Variants in TBC1D4 observed in about 807,000 individuals in gnomAD.
TBC1D4 encodes the protein TBC (Tre-2, BUB2, CDC16) domain-containing protein.
In TBC1D4, 121 loss-of-function variants were observed where a neutral mutation model predicts 142.5. The observed-to-expected ratio is 0.85, with a 90% CI of 0.73 to 0.99. The LOEUF (loss-of-function observed/expected upper bound fraction) is 0.99. Among genes scored for constraint, TBC1D4 ranks in the 50% least tolerant of loss-of-function variants. TBC1D4 has a pLI of 0.00. For missense variants in TBC1D4, 1,475 were observed against 1,606.6 expected (o/e 0.92, Z 1.40); for synonymous variants, 630 against 628.2 (o/e 1.00, Z -0.04).
At chr13:75,308,672 T>G (rs1436131043) in intron 14 of TBC1D4, among the ~76,000 whole-genome samples, 1 of 152,218 alleles carries the variant, frequency 6.6e-6, no homozygotes, top group East Asian at 1.9e-4. Context: ...TCAACCTCTT[T>G]TTCTGAGTTA....
rs976445198 is a variant in TBC1D4 at position 75,307,559 on chromosome 13, C to T, written c.2594-1088G>A. On this transcript the variant is annotated intron_variant, in intron 14 of 20. Transcript: ENST00000377636. ...AATCTGTATTCATGCATGCTCACAG[C>T]GCTCGGCCACCTTACCTCCTGCAAC... Among the ~76,000 whole-genome samples the T allele has an allele frequency of 5.3e-5, 8 of 152,234 alleles. No homozygotes were observed. The East Asian group carries it at 9.6e-4, about 18-fold the overall frequency.
At chr13:75,338,990 C>A (rs186311530) in intron 7 of TBC1D4, among the ~76,000 whole-genome samples, 145 of 152,350 alleles carry the variant, frequency 9.5e-4, no homozygotes, top group African/African-American at 3.3e-3. Context: ...TTCCCCACTT[C>A]TCTAGGGCTC....
At chr13:75,424,721 T>G (rs564136194) in intron 1 of TBC1D4, among the ~76,000 whole-genome samples, 21 of 152,278 alleles carry the variant, frequency 1.4e-4, no homozygotes, top group African/African-American at 5.1e-4. Context: ...ACACTTATGG[T>G]CAGTTAATTT....
intron 1 of TBC1D4, among the ~76,000 whole-genome samples, chr13:75,407,636 G>A (rs957866831): frequency 3.9e-5 from 6 of 152,162 alleles, no homozygotes; most frequent in African/African-American, 1.4e-4. Context: ...CCGGGTGACT[G>A]ACAGGCCAGA....
chr13:75,303,113 T>A (rs750339341), intron 15 of TBC1D4, among the ~76,000 whole-genome samples: 4 of 152,142 alleles, frequency 2.6e-5, no homozygotes, highest in Non-Finnish European at 5.9e-5. Flanking sequence ...AGGTCAGGTG[T>A]TCATTACCGG....
At chr13:75,303,809 T>C (rs982916837) in intron 15 of TBC1D4, among the ~76,000 whole-genome samples, 3 of 152,240 alleles carry the variant, frequency 2.0e-5, no homozygotes, top group African/African-American at 7.2e-5. Context: ...TGATGTATAC[T>C]AGACGCTTGT....
At position 75,292,202 on chromosome 13, in the gene TBC1D4, G is replaced by A. The variant is rs1384923439; in HGVS notation, c.3386C>T (p.Thr1129Ile). The A allele has an allele frequency of 6.2e-7, 1 of 1,613,372 alleles. No homozygotes were observed. The highest frequency in any genetic ancestry group is 1.1e-5 in the South Asian group (1 of 91,046). ...VALSLLSSQE[T>I]LIMECESFEN... ...AAAGCTCTCACATTCCATTATAAGT[G>A]TCTCTTGGCTGCTCAGTAGGCTGAG... The change falls in exon 19 of 21, where the codon ACA becomes ATA. Residue 1129 changes from threonine to isoleucine, a missense_variant. Thr to Ile is a moderately conservative substitution (Grantham distance 89). Around this residue, in one of 2 missense-constraint regions of TBC1D4, gnomAD observed 248 missense variants for 338.9 expected, o/e 0.73. Coordinates refer to ENST00000377636, the MANE Select transcript of TBC1D4 (RefSeq NM_014832.5).
chr13:75,355,448 T>C (rs1230354568), intron 4 of TBC1D4, among the ~76,000 whole-genome samples: 1 of 152,204 alleles, frequency 6.6e-6, no homozygotes, highest in East Asian at 1.9e-4. Context: ...ACATATGAAC[T>C]CCAATTACCT....
intron 1 of TBC1D4, among the ~76,000 whole-genome samples, chr13:75,462,168 T>A (rs930002787): frequency 6.6e-6 from 1 of 152,094 alleles, no homozygotes; most frequent in African/African-American, 2.4e-5. Flanking sequence ...TCACCATTAT[T>A]ATATTATTAT....
intron 7 of TBC1D4, among the ~76,000 whole-genome samples, chr13:75,340,741 GT>G (rs1468634384): frequency 6.6e-6 from 1 of 152,078 alleles, no homozygotes; most frequent in African/African-American, 2.4e-5. Flanking sequence ...GAAGTTGGGA[GT>G]TCGTGACCAG....
intron 16 of TBC1D4, 50 bp from the exon 17 acceptor site, chr13:75,299,624 G>A (rs750798390): frequency 2.5e-6 from 4 of 1,608,338 alleles, no homozygotes; most frequent in South Asian, 1.1e-5. Flanking sequence ...TCATGCCTTG[G>A]AGACAACAGT....
intron 1 of TBC1D4, among the ~76,000 whole-genome samples, chr13:75,437,706 T>C (rs9530438): frequency 0.12 from 18,541 of 152,094 alleles, 1,433 homozygotes; most frequent in East Asian, 0.3. Flanking sequence ...CTTTAAAAGT[T>C]TGGCAGCTCT....
rs796963937 is a variant in TBC1D4, at chr13:75,379,827, A to C, written c.499-17220T>G. ...AAACAACACATTTACCATTATTGAT[A>C]AAATTAAGATAGCTAAAAGAAAGCT... On this transcript the variant is annotated intron_variant, in intron 1 of 20. Transcript: ENST00000377636. Among the ~76,000 whole-genome samples, 3 of 149,496 alleles carry C rather than the reference A, an allele frequency of 2.0e-5. No homozygotes were observed. In the South Asian group the frequency reaches 6.6e-4, roughly 33 times the overall value.
At chr13:75,397,784 C>T (rs1002858838) in intron 1 of TBC1D4, among the ~76,000 whole-genome samples, 3 of 152,164 alleles carry the variant, frequency 2.0e-5, no homozygotes, top group Non-Finnish European at 4.4e-5. Flanking sequence ...AGGAATTACC[C>T]TCGTATAGTA....
At chr13:75,462,700 A>G (rs1170575498) in intron 1 of TBC1D4, among the ~76,000 whole-genome samples, 2 of 152,128 alleles carry the variant, frequency 1.3e-5, no homozygotes, top group Non-Finnish European at 2.9e-5. Flanking sequence ...AAATGACTAT[A>G]AATAAAGTCT....
In TBC1D4 at chr13:75,286,697, CA is replaced by C; in HGVS notation, c.*94del. On this transcript the variant is annotated 3_prime_UTR_variant, in exon 21 of 21. Coordinates refer to ENST00000377636, the MANE Select transcript of TBC1D4 (RefSeq NM_014832.5). ...CAGCACCAGTATTAGGTGGTTCCAT[CA>C]GCTTCAGGGTCCAGCCTTGGGCCAG... 1 of 1,274,272 alleles carries C rather than the reference CA, an allele frequency of 7.8e-7. No individual in the cohort carries two copies. Among genetic ancestry groups the C allele is most frequent in the East Asian group, 2.5e-5 (1 of 39,972 alleles). 78.9% of individuals were successfully genotyped at this position (1,274,272 alleles called of 1,614,324 possible).
chr13:75,428,155 GGTTT>G lies in TBC1D4; in HGVS notation c.498+53111_498+53114del, dbSNP rs200748330. Among the ~76,000 whole-genome samples the G allele has an allele frequency of 3.9e-3, 596 of 152,210 alleles. 5 individuals carry two copies. Among genetic ancestry groups the G allele is most frequent in the African/African-American group, 0.013 (537 of 41,530 alleles). ...TTAAGGGGGTGCTTCAGTACTGTTGGGTTTGTTTATTATTTTGGGGAGGACTTGG... is the reference window on the plus strand; with the variant it reads ...TTAAGGGGGTGCTTCAGTACTGTTGGGTTTATTATTTTGGGGAGGACTTGG... On this transcript the variant is annotated intron_variant, in intron 1 of 20. Coordinates refer to ENST00000377636, the MANE Select transcript of TBC1D4 (RefSeq NM_014832.5).
At chr13:75,462,485 G>T (rs1219056718) in intron 1 of TBC1D4, among the ~76,000 whole-genome samples, 4 of 151,568 alleles carry the variant, frequency 2.6e-5, no homozygotes, top group African/African-American at 9.7e-5. Flanking sequence ...CTTTTTCCAG[G>T]ACTAAATGTT....
chr13:75,349,046 G>C (rs1171692378), intron 5 of TBC1D4, 124 bp downstream of exon 5: 1 of 1,482,372 alleles, frequency 6.7e-7, no homozygotes, highest in Non-Finnish European at 9.3e-7. Context: ...GTGGACATGA[G>C]AAATGATTCT....
Sources: gnomAD v4.1 joint callset for allele counts (sites outside exome capture counted in the v4.1 genomes callset) on GRCh38, gnomAD v4.1.1 for gene constraint, gnomAD v4.1.1 regional missense constraint, MANE v1.5 for transcripts, NCBI Gene and HGNC (gene_info 2026-07-23, HGNC 2026-07-21) for gene names.